The following FAM234B variants were observed in gnomAD, a reference collection of about 807,000 sequenced individuals.
FAM234B encodes family with sequence similarity 234 member B, also known as protein FAM234B.
Under a neutral mutation model 69.3 loss-of-function variants are expected in FAM234B, and 33 were observed. The ratio of observed to expected loss-of-function variants is 0.48; its 90% CI spans 0.36 to 0.64. The LOEUF (loss-of-function observed/expected upper bound fraction) is 0.64, where lower values mean the gene tolerates loss of function less well. Ranked by LOEUF, FAM234B falls within the 30% of genes least tolerant of loss-of-function variation. The probability of loss-of-function intolerance (pLI) is 0.00; values close to 1 mark genes in which losing one functional copy is unlikely to be tolerated. For missense variants in FAM234B, 697 were observed against 769.7 expected (o/e 0.91, Z 1.12); for synonymous variants, 306 against 306.9 (o/e 1.00, Z 0.03).
intron 5 of FAM234B, among the ~76,000 whole-genome samples, chr12:13,063,778 A>T (rs1865008746): frequency 6.6e-6 from 1 of 152,214 alleles, no homozygotes. Context: ...AAGTTTCTCT[A>T]AGACTTTTTC....
rs764007684 is a variant in FAM234B at position 13,055,673 on chromosome 12, T to C, written c.160T>C (p.Leu54=). 55 of 1,614,010 alleles carry C rather than the reference T, an allele frequency of 3.4e-5. No individual in the cohort carries two copies. In the East Asian group the frequency reaches 1.1e-3, roughly 33 times the overall value. The part of the protein sequence containing the change: ...NGGVKNGKSP[L]GEAPEPDSDA... ...AGGGGTCAAAAATGGGAAGAGTCCT[T>C]TGGGAGAAGCGCCAGAACCCGACTC... The change falls in exon 2 of 13, where the codon TTG becomes CTG. Residue 54 remains leucine, a synonymous_variant. Transcript: ENST00000197268.
intron 1 of FAM234B, among the ~76,000 whole-genome samples, chr12:13,045,369 G>A (rs973066552): frequency 7.2e-5 from 11 of 152,222 alleles, no homozygotes; most frequent in African/African-American, 2.4e-4. Flanking sequence ...TAAGTTTTAA[G>A]CATTAAGCTA....
intron 4 of FAM234B, chr12:13,062,481 G>T (rs1240913542): frequency 6.2e-6 from 1 of 161,948 alleles, no homozygotes; most frequent in African/African-American, 2.4e-5. Flanking sequence ...GAAGGAAGCA[G>T]AGTGGTCTGG....
At position 13,061,890 on chromosome 12, in the gene FAM234B, T is replaced by C. The variant is rs1031744953; in HGVS notation, c.721+127T>C. 4.0e-6 allele frequency: 3 copies of C among 755,440 alleles called. No homozygotes were observed. The African/African-American group carries it at 5.3e-5, about 13-fold the overall frequency. 46.8% of individuals were successfully genotyped at this position (755,440 alleles called of 1,614,324 possible). A position where few individuals can be genotyped will look rare whatever the true frequency, so the allele number is the denominator to read the frequency against. ...GTATCTGATTTACTGATCTGGAATA[T>C]GGTTATTAAGAGAAATGAGAGAAAA... On this transcript the variant is annotated intron_variant, in intron 4 of 12. Transcript: ENST00000197268.
intron 11 of FAM234B, 140 bp downstream of exon 11, chr12:13,076,283 C>A (rs1267731896): frequency 4.3e-6 from 3 of 694,618 alleles, no homozygotes; most frequent in African/African-American, 1.8e-5. Flanking sequence ...CCTGGTGTCC[C>A]TGGTGCCTCT....
At position 13,044,921 on chromosome 12, in the gene FAM234B, T is replaced by G. The variant is rs1022682532; in HGVS notation, c.37+481T>G. ...ATCCATGAGGCAGGTGGGACAGGTATTTACGTCCCTTCCTAGTTTACAGAA... is the reference window on the plus strand; with the variant it reads ...ATCCATGAGGCAGGTGGGACAGGTAGTTACGTCCCTTCCTAGTTTACAGAA... On this transcript the variant is annotated intron_variant, in intron 1 of 12. Transcript: ENST00000197268. This position sits in a 1 kb window ranked among gnomAD's most constrained non-coding sequence, Gnocchi z 5.6. 1.8e-4 allele frequency among the ~76,000 whole-genome samples: 27 copies of G among 152,304 alleles called. No individual in the cohort carries two copies. Among genetic ancestry groups the G allele is most frequent in the African/African-American group, 6.5e-4 (27 of 41,576 alleles).
intron 1 of FAM234B, among the ~76,000 whole-genome samples, 186 bp from the exon 2 acceptor site, chr12:13,055,364 TC>T (rs1763736468): frequency 6.6e-6 from 1 of 152,244 alleles, no homozygotes; most frequent in Non-Finnish European, 1.5e-5. Context: ...TGTTTTTCCT[TC>T]CATTCCTAAC....
intron 4 of FAM234B, chr12:13,062,073 T>C (rs1864990275): frequency 4.5e-6 from 1 of 220,074 alleles, no homozygotes. Context: ...TGAACTTTAA[T>C]TCTTCATATT....
At position 13,055,778 on chromosome 12, in the gene FAM234B, G is replaced by A. The variant is rs779369617; in HGVS notation, c.265G>A (p.Gly89Ser). 6 of 1,614,184 alleles carry A rather than the reference G, an allele frequency of 3.7e-6. No individual in the cohort carries two copies. In the Admixed American group the frequency reaches 8.3e-5, roughly 22 times the overall value. ...GGGCTACCCCTCAGAACCCCTTGGG[G>A]GCCTGGAACAGAAGGCGGCCTCCTC... Reference protein sequence around the residue: ...TEGYPSEPLGGLEQKAASSLV... With the variant: ...TEGYPSEPLGSLEQKAASSLV... The change falls in exon 2 of 13, where the codon GGC becomes AGC. Residue 89 changes from glycine to serine, a missense_variant. Physicochemically the swap from Gly to Ser is moderately conservative, Grantham distance 56 (BLOSUM62 0). Transcript: ENST00000197268.
rs75797443 is a variant in FAM234B, at chr12:13,062,732, G to A, written c.722-113G>A. ...GAAAGGCAATAAGTAGGTAGGAGTT[G>A]CTGTCTGTTGTTCAGCCCCTTGCGT... On this transcript the variant is annotated intron_variant, in intron 4 of 12. Coordinates refer to ENST00000197268, the MANE Select transcript of FAM234B (RefSeq NM_020853.2). 1,507 of 1,090,210 alleles carry A rather than the reference G, an allele frequency of 1.4e-3. 18 individuals are homozygous for A. In the African/African-American group the frequency reaches 0.021, roughly 15 times the overall value. The allele number at this position is 1,090,210 out of a possible 1,614,324, so 67.5% of individuals were successfully genotyped here.
chr12:13,056,357 A>G (rs117798423), intron 2 of FAM234B, among the ~76,000 whole-genome samples: 2,180 of 152,350 alleles, frequency 0.014, 33 homozygotes, highest in East Asian at 0.059. Context: ...GGTCTGATCT[A>G]ATTTAAATTA....
At chr12:13,045,216 T>C (rs1345170177) in intron 1 of FAM234B, among the ~76,000 whole-genome samples, 1 of 142,984 alleles carries the variant, frequency 7.0e-6, no homozygotes, top group African/African-American at 2.7e-5. Flanking sequence ...CCAAGTTTTT[T>C]TTCCTTTTTT....
intron 3 of FAM234B, among the ~76,000 whole-genome samples, chr12:13,059,969 A>T (rs1209074971): frequency 2.0e-5 from 3 of 152,232 alleles, no homozygotes; most frequent in Non-Finnish European, 4.4e-5. Context: ...TTGGCCACAG[A>T]CTGTACAAAT....
At position 13,061,556 on chromosome 12, in the gene FAM234B, C is replaced by T. The variant is rs1373185713; in HGVS notation, c.533-19C>T. 1.3e-6 allele frequency: 2 copies of T among 1,581,256 alleles called. No individual in the cohort carries two copies. Among genetic ancestry groups the T allele is most frequent in the South Asian group, 1.2e-5 (1 of 86,950 alleles). Reference sequence around the variant, plus strand: ...CCTTTGCCTGCTTTCCTTTTTTTATCTCTCTTGTGTGCTTTTAGGTGTCTC... The same window carrying T: ...CCTTTGCCTGCTTTCCTTTTTTTATTTCTCTTGTGTGCTTTTAGGTGTCTC... On this transcript the variant is annotated intron_variant, in intron 3 of 12. Coordinates refer to ENST00000197268, the MANE Select transcript of FAM234B (RefSeq NM_020853.2).
In FAM234B at chr12:13,083,335, A is replaced by G. The variant is rs1372294600; in HGVS notation, c.*2705A>G. 6.6e-6 allele frequency: 1 copy of G among 152,466 alleles called. No individual in the cohort carries two copies. Among genetic ancestry groups the G allele is most frequent in the African/African-American group, 2.4e-5 (1 of 41,366 alleles). The allele number at this position is 152,466 out of a possible 1,614,324, so 9.4% of individuals were successfully genotyped here. On this transcript the variant is annotated 3_prime_UTR_variant, in exon 13 of 13. Coordinates refer to ENST00000197268, the MANE Select transcript of FAM234B (RefSeq NM_020853.2). ...TGGTATGGTGAAACTAATCCCCTGA[A>G]TGTGAATTGCTATCCTTATTGCCCT...
chr12:13,066,759 T>A lies in FAM234B; in HGVS notation c.972T>A (p.Asn324Lys). 1 of 1,613,922 alleles carries A rather than the reference T, an allele frequency of 6.2e-7. No individual in the cohort carries two copies. Among genetic ancestry groups the A allele is most frequent in the East Asian group, 2.2e-5 (1 of 44,860 alleles). Residue 324 changes from asparagine (N) to lysine (K), a missense_variant, in exon 6 of 13, where the codon AAT (asparagine) becomes AAA (lysine). By Grantham distance (94) the Asn-to-Lys change is moderately conservative. This residue lies in a region of FAM234B where 380 missense variants were observed against 447.1 expected (regional missense o/e 0.85). Transcript: ENST00000197268. ...GTCCTCAGGTTTACATCACCACAAA[T>A]GGGGCTGTCTACATCCTGTTTGGCT... ...LIGPQVYITT[N>K]GAVYILFGFG...
At chr12:13,047,610 A>T (rs1182462584) in intron 1 of FAM234B, among the ~76,000 whole-genome samples, 2 of 152,216 alleles carry the variant, frequency 1.3e-5, no homozygotes, top group African/African-American at 4.8e-5. Context: ...ATATTTAAGC[A>T]GCATCTTCAG....
At chr12:13,075,927 G>T in intron 10 of FAM234B, 99 bp from the exon 11 acceptor site, 2 of 848,960 alleles carry the variant, frequency 2.4e-6, no homozygotes, top group South Asian at 2.7e-5. Context: ...TGAGAGGAAT[G>T]AGTAATCACC....
intron 11 of FAM234B, among the ~76,000 whole-genome samples, chr12:13,077,734 G>A (rs1013431753): frequency 6.6e-6 from 1 of 152,038 alleles, no homozygotes; most frequent in African/African-American, 2.4e-5. Context: ...ATAAATATAC[G>A]TGTGCATGTG....
Sources: allele counts gnomAD v4.1 joint callset (sites outside exome capture counted in the v4.1 genomes callset), GRCh38; gene constraint gnomAD v4.1.1; regional missense constraint gnomAD v4.1.1; non-coding constraint Gnocchi (gnomAD v3.1); transcripts MANE v1.5; gene names NCBI Gene and HGNC (gene_info 2026-07-23, HGNC 2026-07-21).